Variants in DCK observed in about 807,000 individuals in gnomAD.
The protein encoded by DCK is deoxycytidine kinase.
In DCK, 23 loss-of-function variants were observed where a neutral mutation model predicts 38.3. The observed-to-expected ratio is 0.60, with a 90% CI of 0.43 to 0.85. DCK has a LOEUF of 0.85. Ranked by LOEUF, DCK falls within the 40% of genes least tolerant of loss-of-function variation. The pLI is 0.00. For missense variants in DCK, 259 were observed against 304.4 expected, an observed-to-expected ratio of 0.85 and a Z score of 1.11; for synonymous variants, 108 against 100.6, an observed-to-expected ratio of 1.07 and a Z score of -0.44.
rs552072700 is a variant in DCK at position 71,014,432 on chromosome 4, A to G, written c.208-7935A>G. Among the ~76,000 whole-genome samples the G allele has an allele frequency of 4.6e-5, 7 of 152,356 alleles. No individual in the cohort carries two copies. In the East Asian group the frequency reaches 1.3e-3, roughly 29 times the overall value. ...TACCAAGCGGACCTAAAAGACATCT[A>G]CAGAACTCTCCACCCCAAATCAACA... On this transcript the variant is annotated intron_variant, in intron 2 of 6. Transcript: ENST00000286648.
At chr4:71,011,981 A>G (rs1017645594) in intron 2 of DCK, among the ~76,000 whole-genome samples, 1 of 152,216 alleles carries the variant, frequency 6.6e-6, no homozygotes, top group African/African-American at 2.4e-5. Context: ...TGGAGGTGAT[A>G]TGTAATTTAA....
chr4:71,018,205 C>G (rs1740321911), intron 2 of DCK, among the ~76,000 whole-genome samples: 2 of 147,058 alleles, frequency 1.4e-5, no homozygotes, highest in South Asian at 4.3e-4. Context: ...CAACTTGCTG[C>G]AAGCTCCGCC....
At position 71,029,446 on chromosome 4, in the gene DCK, A is replaced by T. The variant is rs753994217; in HGVS notation, c.*68A>T. ...CAGCTTTGTGTATCTTCGTAACTTC[A>T]TATTAATATAAGTTTCTTTAGAAAA... On this transcript the variant is annotated 3_prime_UTR_variant, in exon 7 of 7. Transcript: ENST00000286648. 1.7e-6 allele frequency: 2 copies of T among 1,143,800 alleles called. No homozygotes were observed. The highest frequency in any genetic ancestry group is 1.9e-5 in the Admixed American group (1 of 53,128). 70.9% of individuals were successfully genotyped at this position (1,143,800 alleles called of 1,614,324 possible). A position where few individuals can be genotyped will look rare whatever the true frequency, so the allele number is the denominator to read the frequency against.
Position 70,993,909 on chromosome 4 carries a change from C to T in DCK, c.74C>T (p.Ser25Phe), listed in dbSNP as rs1739600283. Residue 25 changes from serine to phenylalanine, a missense_variant, in exon 1 of 7, where the codon TCC (serine) becomes TTC (phenylalanine). Physicochemically the swap from Ser to Phe is radical, Grantham distance 155. This residue lies in a region of DCK where 159 missense variants were observed against 159.0 expected (regional missense o/e 1.00). Transcript: ENST00000286648. ...SSEGTRIKKISIEGNIAAGKS... is the reference protein window; with the variant it reads ...SSEGTRIKKIFIEGNIAAGKS... The stretch of plus-strand genomic sequence containing the variant: ...GAGGGGACCCGCATCAAGAAAATCT[C>T]CATCGAAGGGAACATCGGTAAGGAG... The T allele has an allele frequency of 1.2e-6, 2 of 1,613,322 alleles. No individual in the cohort carries two copies. Among genetic ancestry groups the T allele is most frequent in the Non-Finnish European group, 1.7e-6 (2 of 1,179,420 alleles).
At chr4:71,007,638 T>G (rs779478450) in intron 2 of DCK, among the ~76,000 whole-genome samples, 4 of 152,272 alleles carry the variant, frequency 2.6e-5, no homozygotes, top group Non-Finnish European at 4.4e-5. Context: ...TTCTTTTACT[T>G]AATACATTTA....
chr4:70,998,716 G>A (rs929262067), intron 2 of DCK, among the ~76,000 whole-genome samples: 1 of 152,146 alleles, frequency 6.6e-6, no homozygotes, highest in South Asian at 2.1e-4. Context: ...TTGAGGTGAG[G>A]AGTTCAAGAC....
At chr4:71,016,502 C>T (rs1478078719) in intron 2 of DCK, among the ~76,000 whole-genome samples, 1 of 152,162 alleles carries the variant, frequency 6.6e-6, no homozygotes, top group Non-Finnish European at 1.5e-5. Flanking sequence ...AAGAACAAAG[C>T]TGGAGGCATC....
intron 5 of DCK, 99 bp from the exon 6 acceptor site, chr4:71,026,566 A>G (rs374088342): frequency 2.9e-6 from 2 of 696,736 alleles, no homozygotes; most frequent in Non-Finnish European, 2.6e-6. Flanking sequence ...ATGATTGACA[A>G]CATTTTGATT....
chr4:71,014,955 C>T (rs1740218054), intron 2 of DCK, among the ~76,000 whole-genome samples: 1 of 152,110 alleles, frequency 6.6e-6, no homozygotes, highest in Non-Finnish European at 1.5e-5. Flanking sequence ...ACACAAAAAA[C>T]CCTTCAAAAA....
chr4:70,993,953 G>T, intron 1 of DCK, 27 bp downstream of exon 1: 6 of 1,525,606 alleles, frequency 3.9e-6, no homozygotes, highest in Non-Finnish European at 5.4e-6. Context: ...AATGTGGGAC[G>T]CAAGGCTGGG....
intron 4 of DCK, among the ~76,000 whole-genome samples, chr4:71,024,489 C>A (rs1370777945): frequency 6.6e-6 from 1 of 151,876 alleles, no homozygotes; most frequent in Non-Finnish European, 1.5e-5. Flanking sequence ...CTCATTTTTT[C>A]CTTAAGTCAC....
chr4:71,001,928 G>A (rs1029034188), intron 2 of DCK, among the ~76,000 whole-genome samples: 4 of 152,096 alleles, frequency 2.6e-5, no homozygotes, highest in Non-Finnish European at 4.4e-5. Context: ...CCAGCTTCTG[G>A]ATTCATTGAT....
At chr4:71,006,576 G>C (rs1376346835) in intron 2 of DCK, among the ~76,000 whole-genome samples, 3 of 152,170 alleles carry the variant, frequency 2.0e-5, no homozygotes, top group Non-Finnish European at 4.4e-5. Flanking sequence ...GGGAGGCTGA[G>C]GCCAGAGGAT....
chr4:70,997,443 T>G (rs186750059), intron 1 of DCK, among the ~76,000 whole-genome samples: 4 of 152,336 alleles, frequency 2.6e-5, no homozygotes, highest in African/African-American at 9.6e-5. Context: ...TTACTTTGTG[T>G]TTTTCTTCTA....
At position 71,030,124 on chromosome 4, in the gene DCK, A is replaced by G. The variant is rs1740649681; in HGVS notation, c.*746A>G. On this transcript the variant is annotated 3_prime_UTR_variant, in exon 7 of 7. Coordinates refer to ENST00000286648, the MANE Select transcript of DCK (RefSeq NM_000788.3). The stretch of plus-strand genomic sequence containing the variant: ...ATAAAAATGATATTGCTCTATATGT[A>G]ATATATCCTGAAAGCATTATTTTTT... The G allele has an allele frequency of 6.6e-6, 1 of 152,620 alleles. No individual in the cohort carries two copies. Among genetic ancestry groups the G allele is most frequent in the Non-Finnish European group, 1.5e-5 (1 of 68,026 alleles). 9.5% of individuals were successfully genotyped at this position (152,620 alleles called of 1,614,324 possible). A position where few individuals can be genotyped will look rare whatever the true frequency, so the allele number is the denominator to read the frequency against.
chr4:71,029,347 C>T lies in DCK; in HGVS notation c.757-5C>T, dbSNP rs748564369. ...ATACTGATTTTTTTTTCTTCCTTTC[C>T]TCAGGTCAAAGAGTTTTTGAGTACT... is the stretch of plus-strand genomic sequence containing the variant. On this transcript the variant is annotated splice_polypyrimidine_tract_variant and splice_region_variant and intron_variant, in intron 6 of 6. Transcript: ENST00000286648. The T allele has an allele frequency of 1.9e-6, 3 of 1,588,476 alleles. No homozygotes were observed. The highest frequency in any genetic ancestry group is 1.8e-5 in the Admixed American group (1 of 55,372).
chr4:71,024,681 C>G (rs1740506449), intron 4 of DCK, among the ~76,000 whole-genome samples: 1 of 151,782 alleles, frequency 6.6e-6, no homozygotes, highest in African/African-American at 2.4e-5. Flanking sequence ...TTAGCAATTT[C>G]AAAAGTGAAT....
At chr4:71,014,121 A>G (rs1462567623) in intron 2 of DCK, among the ~76,000 whole-genome samples, 1 of 152,250 alleles carries the variant, frequency 6.6e-6, no homozygotes, top group Non-Finnish European at 1.5e-5. Context: ...TTGTAATCCT[A>G]GTCTCTGATA....
Position 71,029,546 on chromosome 4 carries a change from GTTTCT to G in DCK, c.*177_*181del, listed in dbSNP as rs897816941. 1.6e-5 allele frequency: 9 copies of G among 560,948 alleles called. No homozygotes were observed. The highest frequency in any genetic ancestry group is 7.8e-5 in the African/African-American group (4 of 50,980). 34.7% of individuals were successfully genotyped at this position (560,948 alleles called of 1,614,324 possible). On this transcript the variant is annotated 3_prime_UTR_variant, in exon 7 of 7. Coordinates refer to ENST00000286648, the MANE Select transcript of DCK (RefSeq NM_000788.3). Reference sequence around the variant, plus strand: ...AATCTTATGCAAAACTTTTTGACCAGTTTCTTTTCTTTTGTTTTTTTTTTAAAAAA... The same window carrying G: ...AATCTTATGCAAAACTTTTTGACCAGTTTCTTTTGTTTTTTTTTTAAAAAA...
Sources: allele counts gnomAD v4.1 joint callset (sites outside exome capture counted in the v4.1 genomes callset), GRCh38; gene constraint gnomAD v4.1.1; regional missense constraint gnomAD v4.1.1; transcripts MANE v1.5; gene names NCBI Gene and HGNC (gene_info 2026-07-23, HGNC 2026-07-21).